NACC2: variants seen among roughly 807,000 people sequenced by gnomAD.
NACC2 encodes the protein nucleus accumbens-associated protein 2.
Under a neutral mutation model 25.1 loss-of-function variants are expected in NACC2, and 8 were observed. That is an observed-to-expected ratio of 0.32 (90% CI 0.19 to 0.57). The LOEUF is 0.57. Among genes scored for constraint, NACC2 ranks in the 20% least tolerant of loss-of-function variants. The pLI, the probability that NACC2 is intolerant of heterozygous loss-of-function variation, is 0.89. For synonymous variants in NACC2, 435 were observed against 294.7 expected, an observed-to-expected ratio of 1.48 and a Z score of -4.88; for missense variants, 644 against 650.2, an observed-to-expected ratio of 0.99 and a Z score of 0.10.
intron 1 of NACC2, among the ~76,000 whole-genome samples, chr9:136,060,921 G>T (rs11103296): frequency 1.3e-5 from 2 of 152,158 alleles, no homozygotes; most frequent in East Asian, 3.9e-4. Context: ...TGAGAGACTG[G>T]GTACAGGGGT....
Position 136,008,020 on chromosome 9 carries a change from C to T in NACC2, c.*3496G>A, listed in dbSNP as rs1840050777. On this transcript the variant is annotated 3_prime_UTR_variant, in exon 6 of 6. Transcript: ENST00000277554. ...AGAAAGGAGGCCAGGCAGCCGGCTC[C>T]TATGTTCTAGGAGCCCCGACCCGCA... 6.6e-6 allele frequency: 1 copy of T among 152,228 alleles called. No homozygotes were observed. Among genetic ancestry groups the T allele is most frequent in the Non-Finnish European group, 1.5e-5 (1 of 68,062 alleles). The allele number at this position is 152,228 out of a possible 1,614,324, so 9.4% of individuals were successfully genotyped here.
rs149843310 is a variant in NACC2, at chr9:136,078,246, G to A, written c.-60+16943C>T. ...GGGGTCCCCAGGACCCCCACCCCCC[G>A]CAACCTTGTGGCCAGCCCCACTCGC... On this transcript the variant is annotated intron_variant, in intron 1 of 5. Transcript: ENST00000277554. 3.0e-3 allele frequency among the ~76,000 whole-genome samples: 464 copies of A among 152,136 alleles called. 1 individual carries two copies. The highest frequency in any genetic ancestry group is 0.01 in the African/African-American group (430 of 41,512).
In NACC2 at chr9:136,011,884, A is replaced by G; in HGVS notation, c.1396T>C (p.Tyr466His). 1 of 1,573,582 alleles carries G rather than the reference A, an allele frequency of 6.4e-7. No homozygotes were observed. Among genetic ancestry groups the G allele is most frequent in the Non-Finnish European group, 8.6e-7 (1 of 1,163,286 alleles). Residue 466 changes from tyrosine to histidine, a missense_variant, in exon 6 of 6, where the codon TAC becomes CAC. Physicochemically the swap from Tyr to His is moderately conservative, Grantham distance 83 (BLOSUM62 2). Transcript: ENST00000277554. ...KSMLPEGVEM[Y>H]RTVMGSAAAS... ...GCGGCGGAGCCCATGACCGTGCGGTACATCTCCACGCCCTCCGGCAGCATG... is the reference window on the plus strand; with the variant it reads ...GCGGCGGAGCCCATGACCGTGCGGTGCATCTCCACGCCCTCCGGCAGCATG...
intron 3 of NACC2, among the ~76,000 whole-genome samples, chr9:136,015,658 G>GC (rs1840188727): frequency 6.6e-6 from 1 of 152,220 alleles, no homozygotes; most frequent in African/African-American, 2.4e-5. Context: ...CAAGCTTGGG[G>GC]CTTCCTGGAA....
At chr9:136,024,956 C>T (rs1840366104) in intron 2 of NACC2, among the ~76,000 whole-genome samples, 1 of 152,242 alleles carries the variant, frequency 6.6e-6, no homozygotes, top group Non-Finnish European at 1.5e-5. Context: ...AATTTCGGAA[C>T]TGTCCCTTGG....
chr9:136,014,101 T>G (rs1840159554), intron 3 of NACC2, 132 bp from the exon 4 acceptor site: 4 of 662,510 alleles, frequency 6.0e-6, no homozygotes, highest in Middle Eastern at 4.3e-4. Context: ...GGACTTTTTT[T>G]GGGGAGGAGC....
chr9:136,020,487 G>A lies in NACC2; in HGVS notation c.887-4058C>T, dbSNP rs1564219381. On this transcript the variant is annotated intron_variant, in intron 2 of 5. Coordinates refer to ENST00000277554, the MANE Select transcript of NACC2 (RefSeq NM_144653.5). The surrounding 1 kb of genome is among the most constrained non-coding windows in gnomAD (Gnocchi z 4.7). ...CCCCACCAGGGGAGTCTGTGCGGAT[G>A]TGGGCGGCAGTGGCGAGTGGTAGGG... Among the ~76,000 whole-genome samples the A allele has an allele frequency of 1.3e-5, 2 of 152,234 alleles. No individual in the cohort carries two copies. Among genetic ancestry groups the A allele is most frequent in the Non-Finnish European group, 2.9e-5 (2 of 68,042 alleles).
At chr9:136,037,700 G>T (rs1233806726) in intron 2 of NACC2, among the ~76,000 whole-genome samples, 1 of 151,918 alleles carries the variant, frequency 6.6e-6, no homozygotes, top group Non-Finnish European at 1.5e-5. Flanking sequence ...GTAGAGATGG[G>T]GTTTCACCAT....
At chr9:136,012,098 C>A in intron 5 of NACC2, 74 bp from the exon 6 acceptor site, 1 of 1,441,278 alleles carries the variant, frequency 6.9e-7, no homozygotes, top group Non-Finnish European at 9.1e-7. Context: ...GCCACAGAAC[C>A]ATGATGCCCT....
At chr9:136,027,436 T>G (rs1840409823) in intron 2 of NACC2, among the ~76,000 whole-genome samples, 4 of 152,196 alleles carry the variant, frequency 2.6e-5, no homozygotes, top group Admixed American at 2.0e-4. Context: ...TTTATGCTAT[T>G]TCTTTTCAAT....
intron 1 of NACC2, among the ~76,000 whole-genome samples, chr9:136,074,436 G>A (rs369920810): frequency 8.1e-6 from 1 of 122,922 alleles, no homozygotes; most frequent in Non-Finnish European, 1.7e-5. Flanking sequence ...CCGGGCGACA[G>A]AGCAAGACTC....
At chr9:136,061,074 G>A (rs902251667) in intron 1 of NACC2, among the ~76,000 whole-genome samples, 1 of 152,192 alleles carries the variant, frequency 6.6e-6, no homozygotes, top group African/African-American at 2.4e-5. Flanking sequence ...CGCCCCCTCA[G>A]TGGCTAGGGG....
At chr9:136,046,018 C>T (rs1337834404) in intron 2 of NACC2, among the ~76,000 whole-genome samples, 4 of 152,170 alleles carry the variant, frequency 2.6e-5, no homozygotes, top group East Asian at 1.9e-4. Context: ...GGAATGCAGC[C>T]GCACCCTGGG....
chr9:136,012,915 G>A (rs2131131444), intron 5 of NACC2, among the ~76,000 whole-genome samples: 1 of 152,268 alleles, frequency 6.6e-6, no homozygotes, highest in Non-Finnish European at 1.5e-5. Context: ...GTAAATAAGG[G>A]GTTTTGTTCA....
chr9:136,072,206 C>A (rs963054725), intron 1 of NACC2, among the ~76,000 whole-genome samples: 1 of 151,386 alleles, frequency 6.6e-6, no homozygotes, highest in African/African-American at 2.4e-5. Context: ...CCATTGCACT[C>A]TAGCCTGGGC....
chr9:136,061,896 G>A (rs186916179), intron 1 of NACC2, among the ~76,000 whole-genome samples: 1 of 146,090 alleles, frequency 6.8e-6, no homozygotes, highest in Non-Finnish European at 1.6e-5. Context: ...AAGGCGGGCG[G>A]ATCACCTGAG....
chr9:136,078,466 A>G (rs1213709031), intron 1 of NACC2, among the ~76,000 whole-genome samples: 4 of 152,202 alleles, frequency 2.6e-5, no homozygotes, highest in Non-Finnish European at 5.9e-5. Context: ...TTTAATCCTT[A>G]AAGTAAGCGC....
chr9:136,048,436 C>T (rs1564230110), intron 2 of NACC2, among the ~76,000 whole-genome samples: 1 of 152,248 alleles, frequency 6.6e-6, no homozygotes, highest in Non-Finnish European at 1.5e-5. Flanking sequence ...GCTAGCAAAG[C>T]TCCCAGTCTC....
chr9:136,028,782 G>A (rs1840433445), intron 2 of NACC2, among the ~76,000 whole-genome samples: 1 of 152,222 alleles, frequency 6.6e-6, no homozygotes, highest in Non-Finnish European at 1.5e-5. Flanking sequence ...AGAAGTGCCT[G>A]CTCCTGCTGC....
Sources: allele counts gnomAD v4.1 joint callset (sites outside exome capture counted in the v4.1 genomes callset), GRCh38; gene constraint gnomAD v4.1.1; non-coding constraint Gnocchi (gnomAD v3.1); transcripts MANE v1.5; gene names NCBI Gene and HGNC (gene_info 2026-07-23, HGNC 2026-07-21).